Variants in DNMT1 observed in about 807,000 individuals in gnomAD.
DNMT1 encodes DNA methyltransferase 1.
In DNMT1, 24 loss-of-function variants were observed where a neutral mutation model predicts 205.3. The ratio of observed to expected loss-of-function variants is 0.12; its 90% CI spans 0.08 to 0.16. The LOEUF (loss-of-function observed/expected upper bound fraction) is 0.16, where lower values mean the gene tolerates loss of function less well. Among genes scored for constraint, DNMT1 ranks in the 10% least tolerant of loss-of-function variants. The pLI is 1.00. For synonymous variants in DNMT1, 817 were observed against 839.8 expected (o/e 0.97, Z 0.47); for missense variants, 1,293 against 2,177.7 (o/e 0.59, Z 8.09).
intron 9 of DNMT1, 69 bp downstream of exon 9, chr19:10,173,020 TC>T: frequency 6.3e-7 from 1 of 1,583,374 alleles, no homozygotes; most frequent in Non-Finnish European, 8.7e-7. Flanking sequence ...TGTCCCCACG[TC>T]CTGGAAGGAA....
intron 9 of DNMT1, among the ~76,000 whole-genome samples, chr19:10,170,159 C>T (rs1432635908): frequency 6.6e-6 from 1 of 151,822 alleles, no homozygotes; most frequent in Non-Finnish European, 1.5e-5. Flanking sequence ...GTGGCGGGCG[C>T]CTATAATCCC....
intron 12 of DNMT1, chr19:10,163,029 A>G (rs2038611433): frequency 3.6e-6 from 2 of 560,960 alleles, no homozygotes; most frequent in South Asian, 2.2e-5. Flanking sequence ...CAGTGGCGCA[A>G]TCTTGGCTCA....
Position 10,146,182 on chromosome 19 carries a change from G to A in DNMT1, c.2894+169C>T, listed in dbSNP as rs2038196317. On this transcript the variant is annotated intron_variant, in intron 28 of 40. Transcript: ENST00000359526. The surrounding 1 kb of genome is among the most constrained non-coding windows in gnomAD (Gnocchi z 4.4). ...AGCTTTGCTCTGCAATAGCATCATG[G>A]TCAGTCTACACGATTTATGTTGTCT... Among the ~76,000 whole-genome samples, 2 of 152,114 alleles carry A rather than the reference G, an allele frequency of 1.3e-5. No homozygotes were observed. The highest frequency in any genetic ancestry group is 6.6e-5 in the Admixed American group (1 of 15,250).
chr19:10,163,319 C>T lies in DNMT1; in HGVS notation c.926+7G>A, dbSNP rs772348027. 1 of 1,613,934 alleles carries T rather than the reference C, an allele frequency of 6.2e-7. No homozygotes were observed. Among genetic ancestry groups the T allele is most frequent in the South Asian group, 1.1e-5 (1 of 91,086 alleles). On this transcript the variant is annotated splice_region_variant and intron_variant, in intron 12 of 40. Transcript: ENST00000359526. ...GACACAAAAGCACAAGCATTTTAAA[C>T]ACTTACAGATCTTTGGGTTGACTTC...
chr19:10,180,797 C>T lies in DNMT1; in HGVS notation c.206G>A (p.Arg69His), dbSNP rs61750053. Residue 69 changes from arginine to histidine, a missense_variant, in exon 3 of 41, where the codon CGT (arginine) becomes CAT (histidine). Arg to His is a conservative substitution (Grantham distance 29, BLOSUM62 0). Transcript: ENST00000359526. ...NQLCDLETKLRKEELSEEGYL... is the reference protein window; with the variant it reads ...NQLCDLETKLHKEELSEEGYL... The stretch of plus-strand genomic sequence containing the variant: ...ACTTACCTCGGATAATTCTTCTTTA[C>T]GTAATTTGGTTTCCAAGTCACATAA... The T allele has an allele frequency of 0.011, 17,963 of 1,613,950 alleles. 122 individuals carry two copies. Among genetic ancestry groups the T allele is most frequent in the Non-Finnish European group, 0.012 (14,369 of 1,179,894 alleles).
intron 1 of DNMT1, among the ~76,000 whole-genome samples, chr19:10,193,665 C>CAAA (rs35583463): frequency 8.5e-5 from 9 of 106,108 alleles, no homozygotes; most frequent in Admixed American, 1.9e-4. Context: ...ACCCAGCCTT[C>CAAA]AAAAAAAAAA....
Position 10,140,350 on chromosome 19 carries a change from C to A in DNMT1, c.3524-22G>T, listed in dbSNP as rs1218817587. The A allele has an allele frequency of 6.2e-7, 1 of 1,612,962 alleles. No individual in the cohort carries two copies. The highest frequency in any genetic ancestry group is 8.5e-7 in the Non-Finnish European group (1 of 1,179,964). ...ATGCCTGGCAGATCAAGCACGAAGCCATGCTTTCAACTCTCCAGAAGATTT... is the reference window on the plus strand; with the variant it reads ...ATGCCTGGCAGATCAAGCACGAAGCAATGCTTTCAACTCTCCAGAAGATTT... On this transcript the variant is annotated intron_variant, in intron 32 of 40. Transcript: ENST00000359526. This position sits in a 1 kb window ranked among gnomAD's most constrained non-coding sequence, Gnocchi z 8.4.
intron 13 of DNMT1, among the ~76,000 whole-genome samples, chr19:10,161,189 C>T (rs2038561956): frequency 6.6e-6 from 1 of 152,162 alleles, no homozygotes. Context: ...CCTGTAGTCC[C>T]AGCTACTCAG....
At position 10,133,878 on chromosome 19, in the gene DNMT1, G is replaced by A. The variant is rs73013012; in HGVS notation, c.4865-177C>T. 0.062 allele frequency among the ~76,000 whole-genome samples: 9,501 copies of A among 152,250 alleles called. 433 individuals are homozygous for A. Among genetic ancestry groups the A allele is most frequent in the Non-Finnish European group, 0.097 (6,625 of 68,002 alleles). ...CACGGAGACTGAACACTCCTCAAAC[G>A]GTCCCCAGAGGGTTCTAGACCCAGA... On this transcript the variant is annotated intron_variant, in intron 40 of 40. Transcript: ENST00000359526. The surrounding 1 kb of genome is among the most constrained non-coding windows in gnomAD (Gnocchi z 4.1).
Position 10,156,247 on chromosome 19 carries a change from A to T in DNMT1, c.1399+144T>A. 1 of 688,598 alleles carries T rather than the reference A, an allele frequency of 1.5e-6. No individual in the cohort carries two copies. Among genetic ancestry groups the T allele is most frequent in the East Asian group, 2.8e-5 (1 of 36,100 alleles). The allele number at this position is 688,598 out of a possible 1,614,324, so 42.7% of individuals were successfully genotyped here. On this transcript the variant is annotated intron_variant, in intron 18 of 40. Transcript: ENST00000359526. The surrounding 1 kb of genome is among the most constrained non-coding windows in gnomAD (Gnocchi z 4.2). ...TTTTTAATAGAGGCAGGCTCTTGCT[A>T]TGTTGTCCAGGCTCGTCTCAAACTC...
rs755852072 is a variant in DNMT1 at position 10,159,992 on chromosome 19, C to T, written c.1089+26G>A. The T allele has an allele frequency of 3.1e-6, 5 of 1,614,062 alleles. No homozygotes were observed. Among genetic ancestry groups the T allele is most frequent in the Non-Finnish European group, 3.4e-6 (4 of 1,180,038 alleles). On this transcript the variant is annotated intron_variant, in intron 15 of 40. Coordinates refer to ENST00000359526, the MANE Select transcript of DNMT1 (RefSeq NM_001130823.3). This position sits in a 1 kb window ranked among gnomAD's most constrained non-coding sequence, Gnocchi z 5.0. ...CCAGCCGCCTCGTGAGCGCCGCCACCGGCTTTATTCCCGGCAGATGTTTAC... is the reference window on the plus strand; with the variant it reads ...CCAGCCGCCTCGTGAGCGCCGCCACTGGCTTTATTCCCGGCAGATGTTTAC...
intron 6 of DNMT1, among the ~76,000 whole-genome samples, 171 bp from the exon 7 acceptor site, chr19:10,175,789 G>A (rs773063596): frequency 5.9e-5 from 9 of 152,098 alleles, no homozygotes; most frequent in Non-Finnish European, 1.0e-4. Context: ...AAGAAATCAC[G>A]GGTCTAAACA....
At position 10,137,600 on chromosome 19, in the gene DNMT1, G is replaced by A. The variant is rs1599342276; in HGVS notation, c.4293+232C>T. ...AGAGGCAGCAAGGGGGAAGGCAGTG[G>A]TGGGTGGGCAGTGGCTTGACACCAT... is the stretch of plus-strand genomic sequence containing the variant. On this transcript the variant is annotated intron_variant, in intron 36 of 40. Transcript: ENST00000359526. The surrounding 1 kb of genome is among the most constrained non-coding windows in gnomAD (Gnocchi z 6.4). 5.9e-6 allele frequency: 4 copies of A among 672,444 alleles called. No homozygotes were observed. The East Asian group carries it at 1.1e-4, about 18-fold the overall frequency. 41.7% of individuals were successfully genotyped at this position (672,444 alleles called of 1,614,324 possible). A position where few individuals can be genotyped will look rare whatever the true frequency, so the allele number is the denominator to read the frequency against.
At chr19:10,139,632 C>G (rs373414787) in intron 34 of DNMT1, 44 bp downstream of exon 34, 4 of 1,600,074 alleles carry the variant, frequency 2.5e-6, no homozygotes, top group Non-Finnish European at 3.4e-6. Context: ...GGCCGGGTCA[C>G]GTGCTGGCCA....
At chr19:10,144,943 G>A (rs534543689) in intron 28 of DNMT1, among the ~76,000 whole-genome samples, 2 of 152,172 alleles carry the variant, frequency 1.3e-5, no homozygotes, top group Non-Finnish European at 2.9e-5. Context: ...CAGGTATGTC[G>A]GCCAGGCTGG....
chr19:10,140,737 C>A lies in DNMT1; in HGVS notation c.3523+44G>T, dbSNP rs1168904330. Reference sequence around the variant, plus strand: ...TCGTTTCAGGTAGCACCTGCCCGGTCTGGGCTCACCAGGTATTCAGAGATG... The same window carrying A: ...TCGTTTCAGGTAGCACCTGCCCGGTATGGGCTCACCAGGTATTCAGAGATG... On this transcript the variant is annotated intron_variant, in intron 32 of 40. Transcript: ENST00000359526. This position sits in a 1 kb window ranked among gnomAD's most constrained non-coding sequence, Gnocchi z 8.4. 2 of 1,613,800 alleles carry A rather than the reference C, an allele frequency of 1.2e-6. No homozygotes were observed. The highest frequency in any genetic ancestry group is 3.3e-5 in the Admixed American group (2 of 60,026).
intron 14 of DNMT1, 125 bp downstream of exon 14, chr19:10,160,259 A>C (rs994464427): frequency 4.3e-5 from 66 of 1,541,868 alleles, no homozygotes; most frequent in Non-Finnish European, 5.5e-5. Context: ...TCCTATGTTC[A>C]CCAACCCGAT....
chr19:10,166,394 C>T (rs370186557), intron 11 of DNMT1, among the ~76,000 whole-genome samples: 2 of 152,226 alleles, frequency 1.3e-5, no homozygotes, highest in African/African-American at 4.8e-5. Context: ...TGAGTGTTCA[C>T]TAGGCATCCA....
At chr19:10,158,911 AATC>A (rs942887141) in intron 17 of DNMT1, among the ~76,000 whole-genome samples, 3 of 152,142 alleles carry the variant, frequency 2.0e-5, no homozygotes, top group African/African-American at 7.2e-5. Context: ...CTTTACTGAA[AATC>A]ATTACCTCTC....
Sources: allele counts gnomAD v4.1 joint callset (sites outside exome capture counted in the v4.1 genomes callset), GRCh38; gene constraint gnomAD v4.1.1; non-coding constraint Gnocchi (gnomAD v3.1); transcripts MANE v1.5; gene names NCBI Gene and HGNC (gene_info 2026-07-23, HGNC 2026-07-21).